Variants in FSHR observed in about 807,000 individuals in gnomAD.
The protein encoded by FSHR is follicle-stimulating hormone receptor.
A neutral mutation model predicts 52.1 loss-of-function variants in FSHR; 46 were observed. That is an observed-to-expected ratio of 0.88 (90% CI 0.70 to 1.13). The LOEUF (loss-of-function observed/expected upper bound fraction) is 1.13. Among genes scored for constraint, FSHR ranks in the 50% most tolerant of loss-of-function variants. The pLI is 0.00. For synonymous variants in FSHR, 399 were observed against 309.6 expected (o/e 1.29, Z -3.03); for missense variants, 964 against 834.6 (o/e 1.16, Z -1.91).
intron 1 of FSHR, among the ~76,000 whole-genome samples, chr2:49,123,550 A>T (rs1359205702): frequency 6.6e-6 from 1 of 152,224 alleles, no homozygotes; most frequent in East Asian, 1.9e-4. Context: ...GAGGTGATGA[A>T]TATGTTAATT....
chr2:49,125,911 C>T (rs770653803), intron 1 of FSHR, among the ~76,000 whole-genome samples: 2 of 152,208 alleles, frequency 1.3e-5, no homozygotes, highest in Non-Finnish European at 2.9e-5. Context: ...TGAACCTCTG[C>T]TATTTCTCCT....
chr2:49,112,859 A>G (rs897551893), intron 1 of FSHR, among the ~76,000 whole-genome samples: 2 of 152,188 alleles, frequency 1.3e-5, no homozygotes, highest in Non-Finnish European at 2.9e-5. Context: ...TGAAAGTTAC[A>G]TTAGTGCAAA....
rs115418542 is a variant in FSHR, at chr2:49,149,493, G to C, written c.152+4773C>G. On this transcript the variant is annotated intron_variant, in intron 1 of 9. Transcript: ENST00000406846. The stretch of plus-strand genomic sequence containing the variant: ...CTGATGGCTGGGGTTGGATAGACCA[G>C]CCTTTCCCAAAGTGACCTCTGTGGA... Among the ~76,000 whole-genome samples, 623 of 152,188 alleles carry C rather than the reference G, an allele frequency of 4.1e-3. 4 individuals carry two copies. Among genetic ancestry groups the C allele is most frequent in the African/African-American group, 0.014 (592 of 41,530 alleles).
At position 48,989,944 on chromosome 2, in the gene FSHR, G is replaced by C. The variant is rs559717312; in HGVS notation, c.446+622C>G. Among the ~76,000 whole-genome samples the C allele has an allele frequency of 1.7e-4, 26 of 152,178 alleles. No homozygotes were observed. The South Asian group carries it at 5.4e-3, about 32-fold the overall frequency. ...TGGAACAATTTGAGAAATTCTGAAA[G>C]ATTTTCATATTTTCCTCTTTCTCTC... On this transcript the variant is annotated intron_variant, in intron 5 of 9. Transcript: ENST00000406846.
intron 2 of FSHR, among the ~76,000 whole-genome samples, chr2:49,033,823 G>A (rs1014767045): frequency 1.1e-4 from 17 of 152,158 alleles, no homozygotes; most frequent in African/African-American, 4.1e-4. Context: ...GCTTTAATAA[G>A]AGAATTGTCA....
intron 1 of FSHR, among the ~76,000 whole-genome samples, chr2:49,124,086 CG>C (rs1671913638): frequency 6.6e-6 from 1 of 151,688 alleles, no homozygotes; most frequent in Non-Finnish European, 1.5e-5. Flanking sequence ...CTGCACCTCC[CG>C]GGTTTAGGCA....
Position 48,983,167 on chromosome 2 carries a change from C to G in FSHR, c.525-1G>C. The G allele has an allele frequency of 6.2e-7, 1 of 1,613,854 alleles. No individual in the cohort carries two copies. Among genetic ancestry groups the G allele is most frequent in the Non-Finnish European group, 8.5e-7 (1 of 1,179,878 alleles). On this transcript the variant is annotated splice_acceptor_variant, in intron 6 of 9. Transcript: ENST00000406846. LOFTEE classifies it high-confidence loss of function. ...TTGAATCCCATTCTTATTCAGCCAT[C>G]TGAAATAAAAGGCCTATTAAAAAAC... is the stretch of plus-strand genomic sequence containing the variant.
chr2:48,990,592 C>A lies in FSHR; in HGVS notation c.420G>T (p.Lys140Asn). ...GTAAAACTTTTTGGAGAGAATGAAT[C>A]TTGTGAACATCTGGAAGGTGCTTAA... ...TGIKHLPDVH[K>N]IHSLQKVLLD... Residue 140 changes from lysine (K) to asparagine (N), a missense_variant, in exon 5 of 10, where the codon AAG becomes AAT. Transcript: ENST00000406846. The A allele has an allele frequency of 6.2e-7, 1 of 1,611,938 alleles. No homozygotes were observed. Among genetic ancestry groups the A allele is most frequent in the South Asian group, 1.1e-5 (1 of 91,048 alleles).
Position 49,085,349 on chromosome 2 carries a change from A to G in FSHR, c.153-17059T>C, listed in dbSNP as rs1191546913. Among the ~76,000 whole-genome samples, 6 of 152,380 alleles carry G rather than the reference A, an allele frequency of 3.9e-5. No homozygotes were observed. In the East Asian group the frequency reaches 1.2e-3, roughly 29 times the overall value. ...AGGTATTGATGGGACGTATCTCAAA[A>G]TAATAAGAGCTATCTATGACAAACC... On this transcript the variant is annotated intron_variant, in intron 1 of 9. Transcript: ENST00000406846.
intron 1 of FSHR, among the ~76,000 whole-genome samples, chr2:49,136,157 A>G (rs1302090418): frequency 6.6e-6 from 1 of 152,152 alleles, no homozygotes; most frequent in Non-Finnish European, 1.5e-5. Context: ...GACTCAAATT[A>G]GTAGAATCAG....
In FSHR at chr2:48,966,793, A is replaced by G. The variant is rs1674495693; in HGVS notation, c.854+1905T>C. On this transcript the variant is annotated intron_variant, in intron 9 of 9. Coordinates refer to ENST00000406846, the MANE Select transcript of FSHR (RefSeq NM_000145.4). ...TAAAAAATGAAAACCACCTATCACA[A>G]TTTTTGTTACTCCATTTTGGCATGT... 2.0e-5 allele frequency among the ~76,000 whole-genome samples: 3 copies of G among 152,268 alleles called. No homozygotes were observed. The South Asian group carries it at 6.2e-4, about 32-fold the overall frequency.
At chr2:49,058,293 A>G (rs1265991771) in intron 2 of FSHR, among the ~76,000 whole-genome samples, 1 of 152,214 alleles carries the variant, frequency 6.6e-6, no homozygotes, top group Non-Finnish European at 1.5e-5. Flanking sequence ...TCATGCCTGT[A>G]ATCCCAGCAC....
chr2:48,991,152 C>T (rs1450271362), intron 4 of FSHR, among the ~76,000 whole-genome samples: 1 of 152,116 alleles, frequency 6.6e-6, no homozygotes, highest in Admixed American at 6.5e-5. Context: ...GCTGTCATTA[C>T]CCTTACGAGA....
At chr2:49,036,108 T>C (rs934955033) in intron 2 of FSHR, among the ~76,000 whole-genome samples, 2 of 152,218 alleles carry the variant, frequency 1.3e-5, no homozygotes, top group Non-Finnish European at 2.9e-5. Flanking sequence ...ATATGTACCA[T>C]GTATTTTAGA....
intron 2 of FSHR, among the ~76,000 whole-genome samples, chr2:49,055,093 C>G (rs1370605764): frequency 6.6e-6 from 1 of 151,814 alleles, no homozygotes; most frequent in Non-Finnish European, 1.5e-5. Flanking sequence ...ATTAAGGAAA[C>G]TCAGTGAGAT....
intron 1 of FSHR, among the ~76,000 whole-genome samples, chr2:49,141,353 T>C (rs909087566): frequency 6.6e-6 from 1 of 152,116 alleles, no homozygotes; most frequent in Non-Finnish European, 1.5e-5. Context: ...AAGTGTGTGG[T>C]GCTGGCATCT....
At chr2:49,083,184 C>T (rs998534073) in intron 1 of FSHR, among the ~76,000 whole-genome samples, 3 of 151,502 alleles carry the variant, frequency 2.0e-5, no homozygotes, top group African/African-American at 7.3e-5. Flanking sequence ...GAGTGGGGGC[C>T]AATATTCCAC....
chr2:49,059,296 A>G lies in FSHR; in HGVS notation c.224+8923T>C, dbSNP rs555609981. The stretch of plus-strand genomic sequence containing the variant: ...AAATTTAAATTTGTACGGAACCACA[A>G]AACATCCTGCATGGCCAAAGTAAGC... On this transcript the variant is annotated intron_variant, in intron 2 of 9. Transcript: ENST00000406846. 3.3e-5 allele frequency among the ~76,000 whole-genome samples: 5 copies of G among 152,322 alleles called. No homozygotes were observed. In the South Asian group the frequency reaches 1.0e-3, roughly 32 times the overall value.
At chr2:49,111,965 A>G (rs1337129236) in intron 1 of FSHR, among the ~76,000 whole-genome samples, 1 of 152,238 alleles carries the variant, frequency 6.6e-6, no homozygotes, top group East Asian at 1.9e-4. Flanking sequence ...CCCGTAATTT[A>G]TAGAAGAGGG....
Sources: gnomAD v4.1 joint callset for allele counts (sites outside exome capture counted in the v4.1 genomes callset) on GRCh38, gnomAD v4.1.1 for gene constraint, MANE v1.5 for transcripts, NCBI Gene and HGNC (gene_info 2026-07-23, HGNC 2026-07-21) for gene names.